CNTNAP2: variants seen among roughly 807,000 people sequenced by gnomAD.
CNTNAP2 encodes contactin-associated protein-like 2.
Under a neutral mutation model 155.2 loss-of-function variants are expected in CNTNAP2, and 98 were observed. The ratio of observed to expected loss-of-function variants is 0.63; its 90% CI spans 0.54 to 0.75. The LOEUF is 0.75. Ranked by LOEUF, CNTNAP2 falls within the 30% of genes least tolerant of loss-of-function variation. The pLI, the probability that CNTNAP2 is intolerant of heterozygous loss-of-function variation, is 0.00. For synonymous variants in CNTNAP2, 651 were observed against 631.2 expected (o/e 1.03, Z -0.47); for missense variants, 1,727 against 1,688.1 (o/e 1.02, Z -0.40).
chr7:146,830,984 A>G (rs1266972064), intron 2 of CNTNAP2, among the ~76,000 whole-genome samples: 1 of 152,222 alleles, frequency 6.6e-6, no homozygotes, highest in African/African-American at 2.4e-5. Flanking sequence ...CCCACATTTT[A>G]CTAGTTTACA....
chr7:147,186,585 G>A lies in CNTNAP2; in HGVS notation c.1348+54076G>A, dbSNP rs372065472. Reference sequence around the variant, plus strand: ...AGGGAAGATCACAGCACTGACCCCTGTTCTCATTGGAGTAGGAGGTGCTGA... The same window carrying A: ...AGGGAAGATCACAGCACTGACCCCTATTCTCATTGGAGTAGGAGGTGCTGA... On this transcript the variant is annotated intron_variant, in intron 8 of 23. Coordinates refer to ENST00000361727, the MANE Select transcript of CNTNAP2 (RefSeq NM_014141.6). Among the ~76,000 whole-genome samples, 103 of 152,266 alleles carry A rather than the reference G, an allele frequency of 6.8e-4. No homozygotes were observed. The East Asian group carries it at 0.016, about 24-fold the overall frequency.
At chr7:147,089,595 G>T (rs991285383) in intron 4 of CNTNAP2, among the ~76,000 whole-genome samples, 1 of 152,068 alleles carries the variant, frequency 6.6e-6, no homozygotes, top group African/African-American at 2.4e-5. Context: ...TACAAAAATT[G>T]GAAATAAGTC....
At chr7:147,669,767 G>C (rs1584889929) in intron 13 of CNTNAP2, among the ~76,000 whole-genome samples, 1 of 152,056 alleles carries the variant, frequency 6.6e-6, no homozygotes, top group Non-Finnish European at 1.5e-5. Flanking sequence ...CTCATCTCTT[G>C]GTCTTCTCCA....
chr7:147,848,728 A>T (rs1798863228), intron 13 of CNTNAP2, among the ~76,000 whole-genome samples: 1 of 151,692 alleles, frequency 6.6e-6, no homozygotes, highest in African/African-American at 2.4e-5. Flanking sequence ...AAAAAAAAAT[A>T]ACTAAATATT....
intron 1 of CNTNAP2, among the ~76,000 whole-genome samples, chr7:146,124,349 T>A (rs1797605482): frequency 6.6e-6 from 1 of 152,202 alleles, no homozygotes; most frequent in South Asian, 2.1e-4. Context: ...CACTGTTAAC[T>A]GATTTTTTCT....
intron 4 of CNTNAP2, among the ~76,000 whole-genome samples, chr7:147,063,218 T>A (rs186263103): frequency 7.5e-4 from 115 of 152,350 alleles, no homozygotes; most frequent in Admixed American, 2.2e-3. Flanking sequence ...AGGTAACATG[T>A]ACGTTTTCAT....
chr7:147,392,028 CT>C (rs1411740117), intron 9 of CNTNAP2, among the ~76,000 whole-genome samples: 1 of 152,088 alleles, frequency 6.6e-6, no homozygotes, highest in East Asian at 1.9e-4. Flanking sequence ...AATACTCTAC[CT>C]GGAAATGTCC....
intron 4 of CNTNAP2, among the ~76,000 whole-genome samples, chr7:147,093,943 T>C (rs1416352392): frequency 2.0e-5 from 3 of 152,126 alleles, no homozygotes; most frequent in African/African-American, 7.2e-5. Context: ...CAATTTAAAG[T>C]CCCAAGCCCC....
chr7:146,882,774 A>G (rs1353314482), intron 3 of CNTNAP2, among the ~76,000 whole-genome samples: 2 of 152,160 alleles, frequency 1.3e-5, no homozygotes, highest in African/African-American at 2.4e-5. Context: ...CTGTACACAA[A>G]TAATGTTCAG....
At chr7:147,456,687 TACA>T (rs1422485442) in intron 10 of CNTNAP2, among the ~76,000 whole-genome samples, 6 of 151,414 alleles carry the variant, frequency 4.0e-5, no homozygotes, top group Non-Finnish European at 1.5e-5. Flanking sequence ...CAGAAAAAAA[TACA>T]ACTAGATACT....
intron 10 of CNTNAP2, among the ~76,000 whole-genome samples, chr7:147,479,410 G>A (rs183405203): frequency 9.5e-4 from 145 of 152,292 alleles, no homozygotes; most frequent in African/African-American, 3.3e-3. Context: ...AGTGTCTTAT[G>A]TGGAACAGGC....
intron 2 of CNTNAP2, among the ~76,000 whole-genome samples, chr7:146,829,052 A>G (rs1021765480): frequency 3.9e-5 from 6 of 152,018 alleles, no homozygotes; most frequent in Non-Finnish European, 7.4e-5. Flanking sequence ...TTATAATCTT[A>G]GGGTAATATT....
chr7:147,727,835 G>A (rs1563067223), intron 13 of CNTNAP2, among the ~76,000 whole-genome samples: 1 of 151,470 alleles, frequency 6.6e-6, no homozygotes, highest in Non-Finnish European at 1.5e-5. Context: ...TGCATAATGG[G>A]AGTATGAGGG....
chr7:148,245,421 A>G (rs1456119943), intron 20 of CNTNAP2, among the ~76,000 whole-genome samples: 1 of 152,328 alleles, frequency 6.6e-6, no homozygotes, highest in East Asian at 1.9e-4. Flanking sequence ...GAAATGTTAG[A>G]TGCTGATGTG....
chr7:147,230,320 C>T (rs1281930426), intron 8 of CNTNAP2, among the ~76,000 whole-genome samples: 3 of 151,922 alleles, frequency 2.0e-5, no homozygotes, highest in South Asian at 4.2e-4. Context: ...TAGAGTGGTG[C>T]GATCTCAGCT....
intron 8 of CNTNAP2, among the ~76,000 whole-genome samples, chr7:147,285,570 T>G (rs760524969): frequency 7.9e-5 from 12 of 152,058 alleles, no homozygotes; most frequent in Non-Finnish European, 1.8e-4. Context: ...TATTTTCATT[T>G]TTGATATTCC....
intron 12 of CNTNAP2, among the ~76,000 whole-genome samples, chr7:147,566,770 A>G (rs1800181384): frequency 6.6e-6 from 1 of 152,226 alleles, no homozygotes; most frequent in Non-Finnish European, 1.5e-5. Flanking sequence ...AGATTCGGAC[A>G]GGGATTCAGA....
At chr7:148,228,400 T>C (rs10263021) in intron 19 of CNTNAP2, among the ~76,000 whole-genome samples, 104,047 of 152,022 alleles carry the variant, frequency 0.68, 35,715 homozygotes, top group Middle Eastern at 0.73. Flanking sequence ...TGAACTATCA[T>C]TGAGGGCAAA....
intron 1 of CNTNAP2, among the ~76,000 whole-genome samples, chr7:146,224,423 C>A: frequency 8.5e-6 from 1 of 117,510 alleles, no homozygotes; most frequent in African/African-American, 3.1e-5. Flanking sequence ...TCAAGGAACA[C>A]AGTGGTTTAA....
Sources: allele counts gnomAD v4.1 joint callset (sites outside exome capture counted in the v4.1 genomes callset), GRCh38; gene constraint gnomAD v4.1.1; transcripts MANE v1.5; gene names NCBI Gene and HGNC (gene_info 2026-07-23, HGNC 2026-07-21).